The following PCMT1 variants were observed in gnomAD, a reference collection of about 807,000 sequenced individuals.
PCMT1 encodes protein-L-isoaspartate (D-aspartate) O-methyltransferase.
In PCMT1, 9 loss-of-function variants were observed where a neutral mutation model predicts 29.2. That is an observed-to-expected ratio of 0.31 (90% CI 0.19 to 0.54). PCMT1 has a LOEUF of 0.54. PCMT1 is among the 20% of genes least tolerant of loss of function. The pLI is 0.95. For synonymous variants in PCMT1, 98 were observed against 97.5 expected (o/e 1.00, Z -0.03); for missense variants, 184 against 282.2 (o/e 0.65, Z 2.49).
chr6:149,800,352 C>T (rs1211201511), intron 6 of PCMT1, among the ~76,000 whole-genome samples: 1 of 151,678 alleles, frequency 6.6e-6, no homozygotes, highest in Admixed American at 6.6e-5. Flanking sequence ...ACCTGTAATC[C>T]CAGCTACTTG....
intron 2 of PCMT1, among the ~76,000 whole-genome samples, chr6:149,771,764 C>T (rs1001461567): frequency 8.5e-5 from 13 of 152,058 alleles, no homozygotes; most frequent in Admixed American, 2.6e-4. Flanking sequence ...GCAAACCACC[C>T]GTGTTGGCCT....
intron 6 of PCMT1, among the ~76,000 whole-genome samples, chr6:149,801,479 G>A (rs754192013): frequency 6.6e-5 from 10 of 152,142 alleles, no homozygotes; most frequent in Admixed American, 2.6e-4. Flanking sequence ...ACGGAGTCTC[G>A]CTCTGTCACC....
At chr6:149,754,953 G>A (rs547914352) in intron 1 of PCMT1, among the ~76,000 whole-genome samples, 27 of 152,194 alleles carry the variant, frequency 1.8e-4, no homozygotes, top group African/African-American at 6.5e-4. Flanking sequence ...CATTATTTTT[G>A]TTAATTTCTT....
chr6:149,792,332 C>T (rs12206873), intron 4 of PCMT1, among the ~76,000 whole-genome samples: 21,077 of 151,914 alleles, frequency 0.14, 1,919 homozygotes, highest in Non-Finnish European at 0.2. Flanking sequence ...AAAGAAGGAA[C>T]GGTTAACTTG....
At chr6:149,809,978 T>C (rs1210892369) in intron 7 of PCMT1, 2 of 152,260 alleles carry the variant, frequency 1.3e-5, no homozygotes, top group Non-Finnish European at 2.9e-5. Flanking sequence ...TACTGAGGTA[T>C]AACTGAGATA....
At chr6:149,777,026 AG>A (rs56918302) in intron 3 of PCMT1, among the ~76,000 whole-genome samples, 14,657 of 152,222 alleles carry the variant, frequency 0.096, 2,012 homozygotes, top group African/African-American at 0.3. Flanking sequence ...AATTACAAAA[AG>A]CAATGTCCAC....
chr6:149,783,899 T>G (rs1787917315), intron 3 of PCMT1, among the ~76,000 whole-genome samples: 1 of 152,214 alleles, frequency 6.6e-6, no homozygotes, highest in Non-Finnish European at 1.5e-5. Context: ...TCAACTGTGT[T>G]GTCCAGGCTT....
intron 3 of PCMT1, among the ~76,000 whole-genome samples, chr6:149,779,181 A>G (rs1409210671): frequency 6.6e-6 from 1 of 152,130 alleles, no homozygotes; most frequent in Non-Finnish European, 1.5e-5. Flanking sequence ...TTCCCTCCCT[A>G]GCTCGGCTGT....
chr6:149,791,023 G>T (rs1171342986), intron 4 of PCMT1, among the ~76,000 whole-genome samples: 13 of 152,116 alleles, frequency 8.5e-5, no homozygotes, highest in African/African-American at 2.6e-4. Context: ...GGCACAGTGT[G>T]GGGGGTGGGC....
intron 7 of PCMT1, among the ~76,000 whole-genome samples, chr6:149,802,839 A>G: frequency 6.6e-6 from 1 of 151,942 alleles, no homozygotes; most frequent in South Asian, 2.1e-4. Flanking sequence ...GGATCACTTG[A>G]GGTCAGGAGT....
At chr6:149,806,951 C>T (rs1440998788) in intron 7 of PCMT1, among the ~76,000 whole-genome samples, 2 of 152,230 alleles carry the variant, frequency 1.3e-5, no homozygotes, top group East Asian at 1.9e-4. Flanking sequence ...TCTTGTGTCT[C>T]ACCAGCTTTC....
intron 3 of PCMT1, among the ~76,000 whole-genome samples, chr6:149,780,645 C>T (rs1395887642): frequency 1.3e-5 from 2 of 152,154 alleles, no homozygotes; most frequent in Non-Finnish European, 1.5e-5. Flanking sequence ...TTAAATTTAG[C>T]ATAATGTTTT....
chr6:149,802,603 A>G, intron 7 of PCMT1, 187 bp downstream of exon 7: 1 of 826,484 alleles, frequency 1.2e-6, no homozygotes, highest in East Asian at 3.8e-5. Flanking sequence ...GGTTGGCACA[A>G]AGGCTTTTTT....
At chr6:149,790,742 C>T (rs1213325352) in intron 4 of PCMT1, among the ~76,000 whole-genome samples, 1 of 152,038 alleles carries the variant, frequency 6.6e-6, no homozygotes, top group African/African-American at 2.4e-5. Flanking sequence ...GACGCGGTGG[C>T]TCACACCTAT....
intron 2 of PCMT1, chr6:149,772,439 T>C: frequency 3.0e-6 from 1 of 333,760 alleles, no homozygotes; most frequent in African/African-American, 2.2e-5. Flanking sequence ...AATTTAATTT[T>C]GCACAGACTT....
intron 1 of PCMT1, among the ~76,000 whole-genome samples, chr6:149,767,314 C>T (rs1410982771): frequency 6.6e-6 from 1 of 151,178 alleles, no homozygotes; most frequent in Non-Finnish European, 1.5e-5. Flanking sequence ...CCTACCTTGG[C>T]CTCCCACAGT....
chr6:149,786,408 C>G (rs1240954480), intron 3 of PCMT1, among the ~76,000 whole-genome samples: 2 of 115,412 alleles, frequency 1.7e-5, no homozygotes, highest in African/African-American at 7.1e-5. Context: ...GCTGGCCGGG[C>G]GGGGGCTGAC....
At chr6:149,778,680 G>A (rs1787681927) in intron 3 of PCMT1, among the ~76,000 whole-genome samples, 1 of 151,942 alleles carries the variant, frequency 6.6e-6, no homozygotes. Context: ...TGGGACTATA[G>A]GCACATACCA....
intron 3 of PCMT1, among the ~76,000 whole-genome samples, chr6:149,786,066 G>T (rs1451746783): frequency 9.5e-5 from 14 of 146,758 alleles, no homozygotes; most frequent in Non-Finnish European, 2.0e-4. Flanking sequence ...CCCGGACGGG[G>T]TGGCTAGCCG....
Sources: allele counts gnomAD v4.1 joint callset (sites outside exome capture counted in the v4.1 genomes callset), GRCh38; gene constraint gnomAD v4.1.1; transcripts MANE v1.5; gene names NCBI Gene and HGNC (gene_info 2026-07-23, HGNC 2026-07-21).